MLANA: variants seen among roughly 807,000 people sequenced by gnomAD.
The protein encoded by MLANA is melanoma antigen recognized by T-cells 1.
Under a neutral mutation model 15.7 loss-of-function variants are expected in MLANA, and 21 were observed. The observed-to-expected ratio is 1.33, with a 90% confidence interval of 0.95 to 1.92. The LOEUF is 1.92. MLANA is among the 40% of genes most tolerant of loss of function. The pLI is 0.00. For missense variants in MLANA, 164 were observed against 143.8 expected (o/e 1.14, Z -0.72); for synonymous variants, 56 against 51.5 (o/e 1.09, Z -0.37).
At chr9:5,893,876 C>T (rs1831827132) in intron 2 of MLANA, among the ~76,000 whole-genome samples, 1 of 151,968 alleles carries the variant, frequency 6.6e-6, no homozygotes, top group South Asian at 2.1e-4. Flanking sequence ...TTTCAAGGGG[C>T]ACACGTCACT....
At chr9:5,904,177 AT>A (rs1832638868) in intron 3 of MLANA, among the ~76,000 whole-genome samples, 1 of 150,850 alleles carries the variant, frequency 6.6e-6, no homozygotes, top group African/African-American at 2.4e-5. Flanking sequence ...CTTACTTTTA[AT>A]GTACATGTAT....
In MLANA at chr9:5,909,868, T is replaced by G. The variant is rs976549386; in HGVS notation, c.*1160T>G. 6 of 152,240 alleles carry G rather than the reference T, an allele frequency of 3.9e-5. No individual in the cohort carries two copies. Among genetic ancestry groups the G allele is most frequent in the African/African-American group, 1.4e-4 (6 of 41,460 alleles). 9.4% of individuals were successfully genotyped at this position (152,240 alleles called of 1,614,324 possible). On this transcript the variant is annotated 3_prime_UTR_variant, in exon 5 of 5. Coordinates refer to ENST00000381477, the MANE Select transcript of MLANA (RefSeq NM_005511.2). ...TAGCAACATTGCAATTTGTTTTCCT[T>G]TGGCTACATCAACGTATCACCTACA...
chr9:5,891,538 TAA>T (rs1333137104), intron 1 of MLANA, among the ~76,000 whole-genome samples: 1 of 152,186 alleles, frequency 6.6e-6, no homozygotes, highest in Non-Finnish European at 1.5e-5. Flanking sequence ...TGGGGCTCAT[TAA>T]TATAATTCTA....
intron 1 of MLANA, among the ~76,000 whole-genome samples, chr9:5,891,886 T>C (rs537009939): frequency 1.3e-5 from 2 of 152,328 alleles, no homozygotes; most frequent in African/African-American, 4.8e-5. Context: ...TTTCCTTTGC[T>C]GAAAAGCTGG....
At chr9:5,905,767 T>A (rs915383537) in intron 3 of MLANA, among the ~76,000 whole-genome samples, 2 of 152,200 alleles carry the variant, frequency 1.3e-5, no homozygotes, top group African/African-American at 2.4e-5. Context: ...GATTTATGAT[T>A]TTTACCTACA....
At chr9:5,896,897 C>A (rs1323218482) in intron 2 of MLANA, among the ~76,000 whole-genome samples, 1 of 152,210 alleles carries the variant, frequency 6.6e-6, no homozygotes, top group Non-Finnish European at 1.5e-5. Context: ...CCAGACACTT[C>A]TCCCTAGGGC....
intron 3 of MLANA, among the ~76,000 whole-genome samples, chr9:5,904,006 C>A (rs570279660): frequency 2.0e-5 from 3 of 151,924 alleles, no homozygotes; most frequent in African/African-American, 7.2e-5. Flanking sequence ...TACAGGTGTG[C>A]GCCACCAAGC....
chr9:5,898,722 G>C (rs370277674), intron 3 of MLANA, among the ~76,000 whole-genome samples: 3 of 152,104 alleles, frequency 2.0e-5, no homozygotes, highest in African/African-American at 7.2e-5. Context: ...ACTCCACTTT[G>C]TGACCTGCTC....
At chr9:5,896,269 C>T (rs1280428254) in intron 2 of MLANA, among the ~76,000 whole-genome samples, 1 of 152,178 alleles carries the variant, frequency 6.6e-6, no homozygotes. Context: ...TGTGGGGGTG[C>T]CTAGCCCAGT....
At chr9:5,908,356 G>A (rs999406464) in intron 4 of MLANA, among the ~76,000 whole-genome samples, 8 of 152,168 alleles carry the variant, frequency 5.3e-5, no homozygotes, top group Non-Finnish European at 8.8e-5. Context: ...TGATTCGTTA[G>A]TTAGGGCTTG....
intron 2 of MLANA, among the ~76,000 whole-genome samples, chr9:5,895,908 C>A (rs1831983475): frequency 6.6e-6 from 1 of 152,222 alleles, no homozygotes; most frequent in Non-Finnish European, 1.5e-5. Context: ...TGTAACAGAG[C>A]TCTGACTGTG....
At chr9:5,893,809 C>T (rs903863477) in intron 2 of MLANA, among the ~76,000 whole-genome samples, 1 of 152,162 alleles carries the variant, frequency 6.6e-6, no homozygotes, top group African/African-American at 2.4e-5. Flanking sequence ...GTTGTGCCAT[C>T]ACCTCCACAT....
At chr9:5,893,940 T>C (rs1036299698) in intron 2 of MLANA, among the ~76,000 whole-genome samples, 2 of 129,866 alleles carry the variant, frequency 1.5e-5, no homozygotes, top group African/African-American at 5.8e-5. Flanking sequence ...CCCTGGTGGG[T>C]ATCATTCTTG....
chr9:5,893,695 T>C (rs1831814818), intron 2 of MLANA, among the ~76,000 whole-genome samples: 1 of 152,188 alleles, frequency 6.6e-6, no homozygotes, highest in Non-Finnish European at 1.5e-5. Context: ...AATATACTTT[T>C]ATGTCTCGTG....
At chr9:5,897,431 T>C (rs1272262133) in intron 2 of MLANA, 126 bp from the exon 3 acceptor site, 1 of 837,208 alleles carries the variant, frequency 1.2e-6, no homozygotes, top group Non-Finnish European at 2.0e-6. Flanking sequence ...GGGAAACTAC[T>C]TGGACACTGG....
At position 5,908,663 on chromosome 9, in the gene MLANA, T is replaced by A. The variant is rs1241900454; in HGVS notation, c.312T>A (p.Tyr104Ter). The A allele has an allele frequency of 1.2e-6, 2 of 1,614,152 alleles. No individual in the cohort carries two copies. Among genetic ancestry groups the A allele is most frequent in the Non-Finnish European group, 8.5e-7 (1 of 1,179,996 alleles). The change falls in exon 5 of 5, where the codon TAT becomes TAA. Residue 104 changes from tyrosine to a stop codon, truncating the protein, a stop_gained. Coordinates refer to ENST00000381477, the MANE Select transcript of MLANA (RefSeq NM_005511.2). LOFTEE classifies it high-confidence loss of function. Reference protein sequence around the residue: ...EPVVPNAPPAYEKLSAEQSPP... With the variant: ...EPVVPNAPPA ...AGGTTCCCAATGCTCCACCTGCTTA[T>A]GAGAAACTCTCTGCAGAACAGTCAC...
At chr9:5,892,633 G>A in intron 2 of MLANA, 82 bp downstream of exon 2, 1 of 1,112,268 alleles carries the variant, frequency 9.0e-7, no homozygotes, top group Admixed American at 2.2e-5. Context: ...GTACATGCCT[G>A]CTCGTAAATC....
intron 3 of MLANA, among the ~76,000 whole-genome samples, chr9:5,905,864 C>A (rs1832769879): frequency 6.6e-6 from 1 of 152,194 alleles, no homozygotes; most frequent in South Asian, 2.1e-4. Context: ...GACTATTCTC[C>A]CGGCCATGGT....
At chr9:5,893,553 A>G (rs1350722608) in intron 2 of MLANA, among the ~76,000 whole-genome samples, 1 of 152,184 alleles carries the variant, frequency 6.6e-6, no homozygotes, top group East Asian at 1.9e-4. Flanking sequence ...ATTGGAGATG[A>G]GGGCGGCGGT....
Sources: allele counts gnomAD v4.1 joint callset (sites outside exome capture counted in the v4.1 genomes callset), GRCh38; gene constraint gnomAD v4.1.1; transcripts MANE v1.5; gene names NCBI Gene and HGNC (gene_info 2026-07-23, HGNC 2026-07-21).